PROM1: variants seen among roughly 807,000 people sequenced by gnomAD.
PROM1 encodes prominin-1.
Under a neutral mutation model 116.9 loss-of-function variants are expected in PROM1, and 105 were observed. The observed-to-expected ratio is 0.90, with a 90% CI of 0.77 to 1.06. PROM1 has a LOEUF of 1.06. Ranked by LOEUF, PROM1 falls within the 50% of genes least tolerant of loss-of-function variation. The probability of loss-of-function intolerance (pLI) is 0.00; values close to 1 mark genes in which losing one functional copy is unlikely to be tolerated. For missense variants in PROM1, 1,122 were observed against 1,045.2 expected (o/e 1.07, Z -1.01); for synonymous variants, 393 against 387.0 (o/e 1.02, Z -0.18).
intron 3 of PROM1, among the ~76,000 whole-genome samples, chr4:16,037,199 G>A (rs188152950): frequency 6.6e-6 from 1 of 152,262 alleles, no homozygotes. Flanking sequence ...TGGCATTCGG[G>A]CTGGCTAAGC....
chr4:16,057,628 C>G (rs1231040129), intron 2 of PROM1, among the ~76,000 whole-genome samples: 1 of 152,162 alleles, frequency 6.6e-6, no homozygotes, highest in Non-Finnish European at 1.5e-5. Flanking sequence ...TTCTTTCATC[C>G]AGGCTGATGG....
chr4:16,029,903 A>C (rs557597349), intron 5 of PROM1, among the ~76,000 whole-genome samples: 43 of 152,284 alleles, frequency 2.8e-4, no homozygotes, highest in Non-Finnish European at 5.3e-4. Flanking sequence ...TAAACAAGAG[A>C]GAGTCCACTC....
At chr4:16,002,132 CT>C (rs944809629) in intron 13 of PROM1, among the ~76,000 whole-genome samples, 1 of 151,520 alleles carries the variant, frequency 6.6e-6, no homozygotes, top group Admixed American at 6.6e-5. Context: ...AAGCCATCTG[CT>C]GAGAGAGGGG....
chr4:15,977,742 G>A (rs1252750471), intron 26 of PROM1, among the ~76,000 whole-genome samples: 1 of 152,134 alleles, frequency 6.6e-6, no homozygotes, highest in East Asian at 1.9e-4. Context: ...GGGACTACAG[G>A]CGTGTGCCAC....
At chr4:15,977,976 G>A (rs567539098) in intron 26 of PROM1, among the ~76,000 whole-genome samples, 6 of 151,998 alleles carry the variant, frequency 3.9e-5, no homozygotes, top group South Asian at 2.1e-4. Flanking sequence ...ATACATTGAC[G>A]TCATAATCAC....
At chr4:15,989,239 C>T (rs888890604) in intron 19 of PROM1, among the ~76,000 whole-genome samples, 3 of 152,074 alleles carry the variant, frequency 2.0e-5, no homozygotes, top group Admixed American at 2.0e-4. Context: ...TTAGAAACTG[C>T]CTTTATTGCA....
rs1292678028 is a variant in PROM1, at chr4:15,985,763, G to A, written c.2277C>T (p.Phe759=). ...TCATAAAAGATAAACTACTTACAGA[G>A]AACTCGATCCACTGCAGATAATGTT... ...YFEHYLQWIE[F]SISEKVASCK... Residue 759 remains phenylalanine (F), a synonymous_variant, in exon 22 of 28, where the codon TTC becomes TTT. Coordinates refer to ENST00000447510, the MANE Select transcript of PROM1 (RefSeq NM_006017.3). The A allele has an allele frequency of 6.4e-7, 1 of 1,556,266 alleles. No individual in the cohort carries two copies. Among genetic ancestry groups the A allele is most frequent in the South Asian group, 1.1e-5 (1 of 88,258 alleles).
chr4:16,039,519 C>T (rs950180229), intron 2 of PROM1, among the ~76,000 whole-genome samples: 5 of 152,142 alleles, frequency 3.3e-5, no homozygotes, highest in African/African-American at 7.2e-5. Flanking sequence ...AGGTGGATCA[C>T]CCGAGGCCAG....
intron 27 of PROM1, among the ~76,000 whole-genome samples, 173 bp downstream of exon 27, chr4:15,970,870 G>A (rs1036477595): frequency 6.6e-6 from 1 of 152,166 alleles, no homozygotes; most frequent in Admixed American, 6.5e-5. Flanking sequence ...ATCGGTGGAT[G>A]TGGAACCTGC....
At chr4:15,978,168 C>A (rs1716731094) in intron 26 of PROM1, among the ~76,000 whole-genome samples, 1 of 152,144 alleles carries the variant, frequency 6.6e-6, no homozygotes, top group Admixed American at 6.5e-5. Context: ...ATCTTGTATT[C>A]CAGCCTCCAG....
chr4:16,036,300 T>C (rs980463053), intron 3 of PROM1, among the ~76,000 whole-genome samples: 2 of 152,230 alleles, frequency 1.3e-5, no homozygotes, highest in Non-Finnish European at 2.9e-5. Flanking sequence ...TGTCATTTTC[T>C]AGATCACTTT....
intron 6 of PROM1, among the ~76,000 whole-genome samples, chr4:16,024,713 ATG>A (rs896154929): frequency 1.3e-5 from 2 of 151,082 alleles, no homozygotes; most frequent in Admixed American, 6.6e-5. Flanking sequence ...GTGTGTGTGT[ATG>A]TGTGTGTGTG....
intron 19 of PROM1, among the ~76,000 whole-genome samples, chr4:15,988,102 T>G (rs992994671): frequency 1.3e-5 from 2 of 152,168 alleles, no homozygotes; most frequent in African/African-American, 4.8e-5. Flanking sequence ...GGTCTCGATC[T>G]CCTGACCTGG....
At chr4:16,024,700 CGTGTGTGTGTGTAT>C (rs940453378) in intron 6 of PROM1, among the ~76,000 whole-genome samples, 56 of 151,748 alleles carry the variant, frequency 3.7e-4, no homozygotes, top group Non-Finnish European at 2.4e-4. Flanking sequence ...AGTATGTGTA[CGTGTGTGTGTGTAT>C]GTGTGTGTGT....
chr4:16,009,934 CAAAA>C (rs4065768), intron 11 of PROM1, among the ~76,000 whole-genome samples: 3 of 75,410 alleles, frequency 4.0e-5, no homozygotes, highest in Admixed American at 1.5e-4. Flanking sequence ...GACTCGCTCT[CAAAA>C]AAAAAAAAAA....
In PROM1 at chr4:16,041,260, G is replaced by A. The variant is rs533958191; in HGVS notation, c.221-2259C>T. Among the ~76,000 whole-genome samples, 3 of 152,302 alleles carry A rather than the reference G, an allele frequency of 2.0e-5. No individual in the cohort carries two copies. In the East Asian group the frequency reaches 5.8e-4, roughly 29 times the overall value. ...ATCAGGCACTCATGTTCAATAGTCAGTTACACTTAAGAAGGCTCTTGATAA... is the reference window on the plus strand; with the variant it reads ...ATCAGGCACTCATGTTCAATAGTCAATTACACTTAAGAAGGCTCTTGATAA... On this transcript the variant is annotated intron_variant, in intron 2 of 27. Transcript: ENST00000447510.
At chr4:15,971,649 T>C (rs879731304) in intron 26 of PROM1, 1 of 152,302 alleles carries the variant, frequency 6.6e-6, no homozygotes, top group Non-Finnish European at 1.5e-5. Context: ...GGGAGACTAG[T>C]GAACTCCATC....
At position 16,005,393 on chromosome 4, in the gene PROM1, A is replaced by G. The variant is rs529860582; in HGVS notation, c.1454+1145T>C. Among the ~76,000 whole-genome samples the G allele has an allele frequency of 3.9e-5, 6 of 152,310 alleles. No individual in the cohort carries two copies. The South Asian group carries it at 1.2e-3, about 32-fold the overall frequency. ...TTACGACTCTAGTTTGTAAAGGCCT[A>G]TACCATACTGGAGCCTAATTATTGT... On this transcript the variant is annotated intron_variant, in intron 13 of 27. Transcript: ENST00000447510.
At chr4:15,992,792 AC>A (rs1365263112) in intron 16 of PROM1, among the ~76,000 whole-genome samples, 1 of 152,224 alleles carries the variant, frequency 6.6e-6, no homozygotes, top group African/African-American at 2.4e-5. Flanking sequence ...TGAAAGGGAC[AC>A]AGGGTAGGCT....
Sources: gnomAD v4.1 joint callset for allele counts (sites outside exome capture counted in the v4.1 genomes callset) on GRCh38, gnomAD v4.1.1 for gene constraint, MANE v1.5 for transcripts, NCBI Gene and HGNC (gene_info 2026-07-23, HGNC 2026-07-21) for gene names.